The following AMY2B variants were observed in gnomAD, a reference collection of about 807,000 sequenced individuals.
The protein encoded by AMY2B is alpha-amylase 2B.
AMY2B carries 63 observed loss-of-function variants against 59.3 expected under a neutral mutation model. The observed-to-expected ratio is 1.06, with a 90% CI of 0.87 to 1.31. The LOEUF (loss-of-function observed/expected upper bound fraction) is 1.31. AMY2B is among the 50% of genes most tolerant of loss of function. AMY2B has a pLI of 0.00. For missense variants in AMY2B, 635 were observed against 626.7 expected, an observed-to-expected ratio of 1.01 and a Z score of -0.14; for synonymous variants, 180 against 198.1, an observed-to-expected ratio of 0.91 and a Z score of 0.77.
At chr1:103,562,815 A>G (rs903824363) in intron 1 of AMY2B, among the ~76,000 whole-genome samples, 5 of 151,964 alleles carry the variant, frequency 3.3e-5, no homozygotes, top group Non-Finnish European at 7.4e-5. Flanking sequence ...GGAGCTCTAG[A>G]AAGACAAGTT....
At position 103,573,176 on chromosome 1, in the gene AMY2B, A is replaced by T. The variant is rs746863486; in HGVS notation, c.429A>T (p.Ala143=). ...YFNPGSRDFP[A]VPYSGWDFND... ...ACCCTGGAAGTAGGGACTTTCCAGC[A>T]GTCCCATATTCTGGATGGGATTTTA... is the stretch of plus-strand genomic sequence containing the variant. Residue 143 remains alanine, a synonymous_variant, in exon 3 of 10, where the codon GCA becomes GCT. Transcript: ENST00000684275. 2 of 1,613,826 alleles carry T rather than the reference A, an allele frequency of 1.2e-6. No individual in the cohort carries two copies. The highest frequency in any genetic ancestry group is 1.7e-6 in the Non-Finnish European group (2 of 1,179,726).
In AMY2B at chr1:103,572,190, A is replaced by T; in HGVS notation, c.249A>T (p.Lys83Asn). Reference sequence around the variant, plus strand: ...AAAGATACCAACCAGTTAGCTATAAATTATGCACAAGATCTGGAAATGAAG... The same window carrying T: ...AAAGATACCAACCAGTTAGCTATAATTTATGCACAAGATCTGGAAATGAAG... ...WWERYQPVSY[K>N]LCTRSGNEDE... Residue 83 changes from lysine to asparagine, a missense_variant, in exon 2 of 10, where the codon AAA (lysine) becomes AAT (asparagine). By Grantham distance (94) the Lys-to-Asn change is moderately conservative. Transcript: ENST00000684275. 6.2e-7 allele frequency: 1 copy of T among 1,611,696 alleles called. No individual in the cohort carries two copies. Among genetic ancestry groups the T allele is most frequent in the East Asian group, 2.2e-5 (1 of 44,796 alleles).
At chr1:103,566,959 C>T (rs575748304), upstream of AMY2B, among the ~76,000 whole-genome samples, 1 of 152,012 alleles carries the variant, frequency 6.6e-6, no homozygotes, top group Non-Finnish European at 1.5e-5. Context: ...AAGACAATGT[C>T]AATCATTTTA....
chr1:103,571,803 T>G (rs1652142955), intron 1 of AMY2B, 33 bp downstream of exon 1: 1 of 1,611,828 alleles, frequency 6.2e-7, no homozygotes, highest in South Asian at 1.1e-5. Context: ...ATTGCAGAAT[T>G]CACTATGCTT....
intron 6 of AMY2B, 35 bp from the exon 7 acceptor site, chr1:103,575,406 G>T: frequency 6.2e-7 from 1 of 1,612,832 alleles, no homozygotes; most frequent in Admixed American, 1.7e-5. Context: ...ATGATATTCT[G>T]ATATTCTGTG....
At chr1:103,555,346 GC>G (rs1651515890) in intron 1 of AMY2B, 1 of 151,396 alleles carries the variant, frequency 6.6e-6, no homozygotes, top group African/African-American at 2.4e-5. Context: ...TACAAATACT[GC>G]CTTTTAAAAA....
chr1:103,558,136 C>T (rs1167823563), intron 1 of AMY2B, among the ~76,000 whole-genome samples: 1 of 152,078 alleles, frequency 6.6e-6, no homozygotes. Context: ...TGGGAATGTC[C>T]ATGTGATTTG....
chr1:103,569,296 CAT>C (rs1652022954), upstream of AMY2B: 1 of 153,980 alleles, frequency 6.5e-6, no homozygotes, highest in Non-Finnish European at 1.4e-5. Flanking sequence ...CACACACACA[CAT>C]AAGGACTGTG....
chr1:103,559,890 AT>A (rs542704267), intron 1 of AMY2B, among the ~76,000 whole-genome samples: 95 of 152,334 alleles, frequency 6.2e-4, no homozygotes, highest in Admixed American at 1.3e-3. Context: ...ATATGAAAAT[AT>A]AAAAATGTGC....
chr1:103,573,771 A>G lies in AMY2B; in HGVS notation c.577A>G (p.Lys193Glu), dbSNP rs201719981. 1.0e-4 allele frequency: 167 copies of G among 1,613,852 alleles called. No individual in the cohort carries two copies. Among genetic ancestry groups the G allele is most frequent in the Admixed American group, 2.5e-4 (15 of 59,998 alleles). ...ACTGGAGAAAGATTATGTGCGTTCCAAGATTGCCGAATATATGAATCATCT... is the reference window on the plus strand; with the variant it reads ...ACTGGAGAAAGATTATGTGCGTTCCGAGATTGCCGAATATATGAATCATCT... ...LALEKDYVRS[K>E]IAEYMNHLID... Residue 193 changes from lysine to glutamate, a missense_variant, in exon 4 of 10, where the codon AAG becomes GAG. Transcript: ENST00000684275.
chr1:103,561,650 T>C (rs1651738784), intron 1 of AMY2B: 1 of 151,892 alleles, frequency 6.6e-6, no homozygotes, highest in Non-Finnish European at 1.5e-5. Context: ...CCTATATGTT[T>C]ATTATCTATA....
In AMY2B at chr1:103,575,313, A is replaced by G. The variant is rs1241386264; in HGVS notation, c.969A>G (p.Gly323=). 1.2e-6 allele frequency: 2 copies of G among 1,613,560 alleles called. No individual in the cohort carries two copies. The highest frequency in any genetic ancestry group is 1.3e-5 in the African/African-American group (1 of 74,886). The change falls in exon 6 of 10, where the codon GGA becomes GGG. Residue 323 remains glycine, a synonymous_variant. Transcript: ENST00000684275. ...NHDNQRGHGA[G]GASILTFWDA... ...ACAATCAACGAGGACATGGGGCTGG[A>G]GGAGCCTCTATTCTTACCTTCTGGG...
intron 7 of AMY2B, 119 bp downstream of exon 7, chr1:103,575,659 A>T (rs2101077361): frequency 2.1e-6 from 3 of 1,440,360 alleles, no homozygotes; most frequent in Admixed American, 2.2e-5. Context: ...GAAACCTGAT[A>T]TAGGGCTGCG....
intron 1 of AMY2B, among the ~76,000 whole-genome samples, chr1:103,562,442 G>T (rs796959692): frequency 2.6e-5 from 4 of 152,174 alleles, no homozygotes; most frequent in African/African-American, 9.6e-5. Flanking sequence ...TGGGGGAAGG[G>T]CTGGTGGTTG....
rs1193049841 is a variant in AMY2B, at chr1:103,575,080, A to C, written c.879-143A>C. On this transcript the variant is annotated intron_variant, in intron 5 of 9. Coordinates refer to ENST00000684275, the MANE Select transcript of AMY2B (RefSeq NM_001387437.1). ...TGTATGTATATATATATATATATAT[A>C]TATATCTTACAGAATAACCATTTAA... 5 of 927,716 alleles carry C rather than the reference A, an allele frequency of 5.4e-6. No individual in the cohort carries two copies. In the African/African-American group the frequency reaches 6.8e-5, roughly 13 times the overall value. The allele number at this position is 927,716 out of a possible 1,614,324, so 57.5% of individuals were successfully genotyped here. A position where few individuals can be genotyped will look rare whatever the true frequency, so the allele number is the denominator to read the frequency against.
intron 2 of AMY2B, among the ~76,000 whole-genome samples, chr1:103,566,093 C>A (rs1031047885): frequency 1.3e-5 from 2 of 152,074 alleles, no homozygotes; most frequent in Non-Finnish European, 2.9e-5. Flanking sequence ...TGCCATTTTC[C>A]TTGCTCTTCT....
chr1:103,574,614 G>T (rs547224445), intron 5 of AMY2B, among the ~76,000 whole-genome samples: 1 of 152,204 alleles, frequency 6.6e-6, no homozygotes, highest in Non-Finnish European at 1.5e-5. Context: ...TATCCTAGGA[G>T]TTTCCGTCTA....
At chr1:103,575,116 A>T in intron 5 of AMY2B, 107 bp from the exon 6 acceptor site, 3 of 1,506,646 alleles carry the variant, frequency 2.0e-6, no homozygotes, top group Admixed American at 3.8e-5. Flanking sequence ...TTAGAGAAAG[A>T]ATTTAATCTT....
chr1:103,558,469 A>G (rs568093854), intron 1 of AMY2B, among the ~76,000 whole-genome samples: 1 of 152,324 alleles, frequency 6.6e-6, no homozygotes, highest in South Asian at 2.1e-4. Context: ...TAACAGTGAA[A>G]GAGACTATTG....
Sources: gnomAD v4.1 joint callset for allele counts (sites outside exome capture counted in the v4.1 genomes callset) on GRCh38, gnomAD v4.1.1 for gene constraint, MANE v1.5 for transcripts, NCBI Gene and HGNC (gene_info 2026-07-23, HGNC 2026-07-21) for gene names.